Variants in WDPCP observed in about 807,000 individuals in gnomAD.
The protein encoded by WDPCP is WD repeat containing planar cell polarity effector, also known as WD repeat-containing and planar cell polarity effector protein fritz homolog.
WDPCP carries 71 observed loss-of-function variants against 93.1 expected under a neutral mutation model. That is an observed-to-expected ratio of 0.76 (90% CI 0.63 to 0.93). The LOEUF (loss-of-function observed/expected upper bound fraction) is 0.93, where lower values mean the gene tolerates loss of function less well. Ranked by LOEUF, WDPCP falls within the 40% of genes least tolerant of loss-of-function variation. WDPCP has a pLI of 0.00. For missense variants in WDPCP, 844 were observed against 887.4 expected, an observed-to-expected ratio of 0.95 and a Z score of 0.62; for synonymous variants, 315 against 315.0, an observed-to-expected ratio of 1.00 and a Z score of 0.00.
chr2:63,237,765 G>A (rs1039697165), intron 14 of WDPCP, among the ~76,000 whole-genome samples: 5 of 152,064 alleles, frequency 3.3e-5, no homozygotes, highest in African/African-American at 4.8e-5. Context: ...TAAAGTAGGA[G>A]CAGCTAAACC....
intron 2 of WDPCP, among the ~76,000 whole-genome samples, chr2:63,793,400 G>A (rs190415947): frequency 6.6e-6 from 1 of 152,280 alleles, no homozygotes; most frequent in East Asian, 1.9e-4. Flanking sequence ...TTGAGGTCAG[G>A]AGTTCAAGAC....
At chr2:63,211,280 G>A (rs1005523701) in intron 14 of WDPCP, among the ~76,000 whole-genome samples, 1 of 152,204 alleles carries the variant, frequency 6.6e-6, no homozygotes, top group African/African-American at 2.4e-5. Context: ...GGAAGGATCA[G>A]GCAGCAACAT....
chr2:63,357,567 T>C (rs2104617953), intron 12 of WDPCP, among the ~76,000 whole-genome samples: 1 of 152,266 alleles, frequency 6.6e-6, no homozygotes, highest in East Asian at 1.9e-4. Context: ...AGATACCATC[T>C]CACAGTCAGA....
At chr2:63,402,158 C>A (rs1694199203) in intron 10 of WDPCP, among the ~76,000 whole-genome samples, 1 of 152,176 alleles carries the variant, frequency 6.6e-6, no homozygotes, top group Non-Finnish European at 1.5e-5. Flanking sequence ...GAGATCATGT[C>A]CTTTGCCGGG....
At chr2:63,253,362 A>T (rs965312872) in intron 14 of WDPCP, among the ~76,000 whole-genome samples, 1 of 152,138 alleles carries the variant, frequency 6.6e-6, no homozygotes, top group Non-Finnish European at 1.5e-5. Context: ...CTCAAAAATA[A>T]ATGCAACAAT....
chr2:63,172,470 T>A (rs1673465121), intron 15 of WDPCP, among the ~76,000 whole-genome samples: 1 of 152,286 alleles, frequency 6.6e-6, no homozygotes, highest in Admixed American at 6.5e-5. Flanking sequence ...ATCGCACCAC[T>A]GCATTCCAGC....
chr2:63,306,862 A>G (rs1324340310), intron 13 of WDPCP, among the ~76,000 whole-genome samples: 1 of 152,226 alleles, frequency 6.6e-6, no homozygotes, highest in Non-Finnish European at 1.5e-5. Context: ...CAGCACTCCT[A>G]TTCAACATAG....
At chr2:63,804,996 C>G (rs549391812) in intron 2 of WDPCP, among the ~76,000 whole-genome samples, 92 of 151,992 alleles carry the variant, frequency 6.1e-4, no homozygotes, top group African/African-American at 2.0e-3. Flanking sequence ...CCCCTGTACT[C>G]CAGCCTGGAT....
intron 14 of WDPCP, among the ~76,000 whole-genome samples, chr2:63,246,527 A>G (rs149916174): frequency 3.9e-4 from 59 of 152,316 alleles, no homozygotes; most frequent in Admixed American, 2.1e-3. Context: ...ACTTTCTTAA[A>G]GAGCATCCTA....
intron 2 of WDPCP, among the ~76,000 whole-genome samples, chr2:63,734,567 C>T (rs1217903847): frequency 6.6e-6 from 1 of 152,176 alleles, no homozygotes; most frequent in Non-Finnish European, 1.5e-5. Context: ...TAAATCTTCA[C>T]TTCACTGGAT....
intron 14 of WDPCP, among the ~76,000 whole-genome samples, chr2:63,215,541 C>A (rs1483213398): frequency 1.3e-5 from 2 of 152,160 alleles, no homozygotes; most frequent in Non-Finnish European, 1.5e-5. Flanking sequence ...TTCCTTACAC[C>A]TTATACAAAA....
intron 12 of WDPCP, among the ~76,000 whole-genome samples, chr2:63,317,621 AACCATCTGATCTTTGACAAGATAG>A (rs1372932582): frequency 1.3e-5 from 2 of 152,174 alleles, no homozygotes; most frequent in Non-Finnish European, 2.9e-5. Context: ...ACCTGCAACC[AACCATCTGATCTTTGACAAGATAG>A]ACAACAGCAG....
intron 2 of WDPCP, among the ~76,000 whole-genome samples, chr2:63,671,932 C>A (rs1253514170): frequency 1.3e-5 from 2 of 152,070 alleles, no homozygotes. Context: ...CTCAAATAAA[C>A]CCAGTTTTCT....
intron 1 of WDPCP, among the ~76,000 whole-genome samples, chr2:63,575,467 G>GTATGCACTGTATATA (rs1558832897): frequency 0.14 from 973 of 6,780 alleles, 252 homozygotes; most frequent in East Asian, 0.27. Context: ...CAGTATATAT[G>GTATGCACTGTATATA]CAGTATATAC....
chr2:63,260,213 T>G (rs1231864408), intron 13 of WDPCP, among the ~76,000 whole-genome samples: 1 of 151,472 alleles, frequency 6.6e-6, no homozygotes, highest in Non-Finnish European at 1.5e-5. Flanking sequence ...ATGGAAGGAG[T>G]GTTGGATGTG....
intron 10 of WDPCP, among the ~76,000 whole-genome samples, chr2:63,401,409 C>T (rs9749862): frequency 0.81 from 122,489 of 152,098 alleles, 49,992 homozygotes; most frequent in East Asian, 0.98. Flanking sequence ...TCATCATCAC[C>T]GATCATTAGA....
chr2:63,241,082 A>G (rs1429223325), intron 14 of WDPCP, among the ~76,000 whole-genome samples: 1 of 152,226 alleles, frequency 6.6e-6, no homozygotes, highest in Non-Finnish European at 1.5e-5. Flanking sequence ...TGTGATTGAC[A>G]TTATGTCACC....
At chr2:63,406,908 T>A (rs573519037) in intron 9 of WDPCP, among the ~76,000 whole-genome samples, 10 of 152,242 alleles carry the variant, frequency 6.6e-5, no homozygotes, top group Admixed American at 6.5e-4. Context: ...AGAAAGAGAA[T>A]GACAAAGACA....
chr2:63,605,495 C>A, intron 3 of WDPCP: 1 of 819,486 alleles, frequency 1.2e-6, no homozygotes, highest in Admixed American at 2.5e-5. Flanking sequence ...AGGTTAGGTT[C>A]ATTTCTCAGC....
Sources: gnomAD v4.1 joint callset for allele counts (sites outside exome capture counted in the v4.1 genomes callset) on GRCh38, gnomAD v4.1.1 for gene constraint, MANE v1.5 for transcripts, NCBI Gene and HGNC (gene_info 2026-07-23, HGNC 2026-07-21) for gene names.